CNTN5: variants seen among roughly 807,000 people sequenced by gnomAD.
CNTN5 encodes the protein contactin-5.
In CNTN5, 77 loss-of-function variants were observed where a neutral mutation model predicts 129.1. The ratio of observed to expected loss-of-function variants is 0.60; its 90% CI spans 0.50 to 0.72. The LOEUF (loss-of-function observed/expected upper bound fraction) is 0.72, where lower values mean the gene tolerates loss of function less well. CNTN5 is among the 30% of genes least tolerant of loss of function. The pLI, the probability that CNTN5 is intolerant of heterozygous loss-of-function variation, is 0.00. For synonymous variants in CNTN5, 509 were observed against 465.6 expected, an observed-to-expected ratio of 1.09 and a Z score of -1.20; for missense variants, 1,478 against 1,328.8, an observed-to-expected ratio of 1.11 and a Z score of -1.75.
At chr11:99,102,258 T>C (rs1184671029) in intron 1 of CNTN5, among the ~76,000 whole-genome samples, 1 of 151,708 alleles carries the variant, frequency 6.6e-6, no homozygotes, top group Non-Finnish European at 1.5e-5. Flanking sequence ...TGGTCAGTGA[T>C]GGGAGGGGCT....
intron 15 of CNTN5, among the ~76,000 whole-genome samples, chr11:100,205,041 CA>C (rs1170670505): frequency 6.6e-6 from 1 of 151,618 alleles, no homozygotes; most frequent in African/African-American, 2.4e-5. Flanking sequence ...TATTTAATAC[CA>C]CATAAGGTTT....
intron 20 of CNTN5, among the ~76,000 whole-genome samples, chr11:100,299,703 A>G (rs963110858): frequency 4.0e-5 from 6 of 151,424 alleles, no homozygotes; most frequent in Non-Finnish European, 8.9e-5. Context: ...CATTAAGCCA[A>G]TCCTCTTTGG....
intron 1 of CNTN5, among the ~76,000 whole-genome samples, chr11:99,260,909 T>A (rs1034747675): frequency 2.0e-5 from 3 of 152,046 alleles, no homozygotes; most frequent in Admixed American, 2.0e-4. Context: ...TCCAAACTCT[T>A]CGGAAGCAAG....
chr11:100,108,693 A>G (rs1205270584), intron 13 of CNTN5, among the ~76,000 whole-genome samples: 2 of 152,004 alleles, frequency 1.3e-5, no homozygotes, highest in Non-Finnish European at 2.9e-5. Context: ...AATATCATGT[A>G]TTATTCTTTT....
intron 3 of CNTN5, among the ~76,000 whole-genome samples, chr11:99,697,606 G>A (rs950637607): frequency 6.6e-6 from 1 of 151,466 alleles, no homozygotes; most frequent in East Asian, 1.9e-4. Context: ...GTTGAATAAT[G>A]TAAAATGGGA....
intron 1 of CNTN5, among the ~76,000 whole-genome samples, chr11:99,172,238 A>C (rs1214850988): frequency 6.6e-6 from 1 of 152,122 alleles, no homozygotes; most frequent in African/African-American, 2.4e-5. Context: ...AATTACACTA[A>C]TCTCTGAGTA....
chr11:99,292,133 CA>C (rs1336929818), intron 1 of CNTN5, among the ~76,000 whole-genome samples: 1 of 151,734 alleles, frequency 6.6e-6, no homozygotes, highest in African/African-American at 2.4e-5. Context: ...ATAGGGATAG[CA>C]CTTTCATTCT....
At chr11:100,055,889 A>G (rs1943201360) in intron 9 of CNTN5, among the ~76,000 whole-genome samples, 1 of 151,148 alleles carries the variant, frequency 6.6e-6, no homozygotes, top group Non-Finnish European at 1.5e-5. Flanking sequence ...CTATCTCTAT[A>G]TCTATTATCT....
chr11:99,356,509 T>TAA (rs2136096346), intron 2 of CNTN5, among the ~76,000 whole-genome samples: 1 of 152,344 alleles, frequency 6.6e-6, no homozygotes, highest in African/African-American at 2.4e-5. Context: ...CTTTCATGTA[T>TAA]AACCCTCCTC....
chr11:99,069,428 G>A (rs949862091), intron 1 of CNTN5, among the ~76,000 whole-genome samples: 1 of 152,074 alleles, frequency 6.6e-6, no homozygotes. Context: ...ATTTTTCCTC[G>A]AAGTTGCCAG....
intron 8 of CNTN5, among the ~76,000 whole-genome samples, chr11:99,987,269 T>C (rs911118009): frequency 1.3e-5 from 2 of 152,136 alleles, no homozygotes; most frequent in South Asian, 4.1e-4. Flanking sequence ...CCTGTCCTGG[T>C]TTAGTTTACA....
chr11:100,308,602 G>A (rs1332911566), intron 21 of CNTN5, 134 bp downstream of exon 21: 1 of 1,401,274 alleles, frequency 7.1e-7, no homozygotes, highest in East Asian at 2.6e-5. Flanking sequence ...AAGAAACTAA[G>A]AAATACTATT....
intron 13 of CNTN5, among the ~76,000 whole-genome samples, chr11:100,127,615 A>G (rs897166015): frequency 1.3e-5 from 2 of 148,368 alleles, no homozygotes; most frequent in Non-Finnish European, 3.0e-5. Flanking sequence ...ATGAATCTTA[A>G]TGGTTCATAA....
At chr11:100,270,477 C>A (rs1950389025) in intron 17 of CNTN5, among the ~76,000 whole-genome samples, 1 of 152,144 alleles carries the variant, frequency 6.6e-6, no homozygotes, top group Non-Finnish European at 1.5e-5. Flanking sequence ...ACAAGAAAAG[C>A]AGTCCCAAAT....
intron 15 of CNTN5, among the ~76,000 whole-genome samples, chr11:100,195,934 A>AAAG (rs55959480): frequency 0.079 from 11,957 of 151,952 alleles, 925 homozygotes; most frequent in African/African-American, 0.2. Context: ...AAAGTGTTAT[A>AAAG]AAGGCAGATT....
At chr11:99,735,920 C>A (rs1181100017) in intron 3 of CNTN5, among the ~76,000 whole-genome samples, 1 of 152,166 alleles carries the variant, frequency 6.6e-6, no homozygotes, top group African/African-American at 2.4e-5. Context: ...ACCTTGACCA[C>A]CGTCTCCTCA....
intron 3 of CNTN5, among the ~76,000 whole-genome samples, chr11:99,636,668 G>A (rs1565373804): frequency 6.6e-6 from 1 of 151,798 alleles, no homozygotes; most frequent in Admixed American, 6.6e-5. Flanking sequence ...AACTTGATCA[G>A]GCAACTCTTC....
chr11:100,289,142 A>T lies in CNTN5; in HGVS notation c.2315-8483A>T, dbSNP rs562879977. ...ATAGTTTACCAACCAAAAAGAGTCCAGGACCAGATGGATTCACAGCCGAAT... is the reference window on the plus strand; with the variant it reads ...ATAGTTTACCAACCAAAAAGAGTCCTGGACCAGATGGATTCACAGCCGAAT... On this transcript the variant is annotated intron_variant, in intron 18 of 24. Transcript: ENST00000524871. Among the ~76,000 whole-genome samples, 1,248 of 151,986 alleles carry T rather than the reference A, an allele frequency of 8.2e-3. 15 individuals are homozygous for T. The highest frequency in any genetic ancestry group is 0.028 in the African/African-American group (1,174 of 41,492).
At chr11:99,567,415 C>T (rs1280967733) in intron 3 of CNTN5, among the ~76,000 whole-genome samples, 2 of 151,956 alleles carry the variant, frequency 1.3e-5, no homozygotes, top group African/African-American at 4.8e-5. Context: ...GAGTTAAATC[C>T]ATTTTATTGG....
Sources: gnomAD v4.1 joint callset for allele counts (sites outside exome capture counted in the v4.1 genomes callset) on GRCh38, gnomAD v4.1.1 for gene constraint, MANE v1.5 for transcripts, NCBI Gene and HGNC (gene_info 2026-07-23, HGNC 2026-07-21) for gene names.